SRGAP1: variants seen among roughly 807,000 people sequenced by gnomAD.
SRGAP1 encodes SLIT-ROBO Rho GTPase-activating protein 1.
SRGAP1 carries 43 observed loss-of-function variants against 121.9 expected under a neutral mutation model. That is an observed-to-expected ratio of 0.35 (90% CI 0.28 to 0.46). The LOEUF is 0.46. SRGAP1 is among the 20% of genes least tolerant of loss of function. The probability of loss-of-function intolerance (pLI) is 1.00; values close to 1 mark genes in which losing one functional copy is unlikely to be tolerated. For synonymous variants in SRGAP1, 447 were observed against 485.4 expected (o/e 0.92, Z 1.04); for missense variants, 1,102 against 1,350.9 (o/e 0.82, Z 2.89).
At chr12:63,874,562 A>G (rs1309385616) in intron 1 of SRGAP1, among the ~76,000 whole-genome samples, 5 of 152,204 alleles carry the variant, frequency 3.3e-5, no homozygotes, top group African/African-American at 1.2e-4. Flanking sequence ...AATCCCATGA[A>G]GAGAGAAAAA....
At chr12:63,986,107 C>G (rs1331970892) in intron 2 of SRGAP1, among the ~76,000 whole-genome samples, 1 of 151,924 alleles carries the variant, frequency 6.6e-6, no homozygotes, top group Admixed American at 6.6e-5. Context: ...TCTCTTTTCT[C>G]TCTTCTCTTT....
intron 1 of SRGAP1, among the ~76,000 whole-genome samples, chr12:63,877,698 G>A (rs767866001): frequency 1.3e-5 from 2 of 152,176 alleles, no homozygotes; most frequent in Non-Finnish European, 2.9e-5. Flanking sequence ...TTAGATGTGT[G>A]GTGGTGTCTA....
At chr12:63,880,420 C>A (rs1360023743) in intron 1 of SRGAP1, among the ~76,000 whole-genome samples, 1 of 152,054 alleles carries the variant, frequency 6.6e-6, no homozygotes, top group Non-Finnish European at 1.5e-5. Context: ...TTAGTAAAGA[C>A]AGGGTTTCAC....
intron 1 of SRGAP1, among the ~76,000 whole-genome samples, chr12:63,969,842 A>G (rs2032893856): frequency 6.6e-6 from 1 of 152,012 alleles, no homozygotes; most frequent in South Asian, 2.1e-4. Context: ...GAAGACAAGC[A>G]TGTACAGACC....
At chr12:63,976,900 T>C (rs2033109183) in intron 1 of SRGAP1, among the ~76,000 whole-genome samples, 1 of 152,176 alleles carries the variant, frequency 6.6e-6, no homozygotes, top group African/African-American at 2.4e-5. Flanking sequence ...GAATTCAATT[T>C]GGTAAATTGA....
intron 12 of SRGAP1, among the ~76,000 whole-genome samples, chr12:64,092,347 C>T (rs1191177401): frequency 6.6e-6 from 1 of 152,100 alleles, no homozygotes; most frequent in Non-Finnish European, 1.5e-5. Flanking sequence ...GAAACCATGT[C>T]ATTAATAACC....
chr12:63,933,236 A>AATG (rs1254639426), intron 1 of SRGAP1, among the ~76,000 whole-genome samples: 1 of 152,092 alleles, frequency 6.6e-6, no homozygotes, highest in East Asian at 1.9e-4. Flanking sequence ...GTATAATAAT[A>AATG]ATAATAATAA....
chr12:63,940,611 A>G (rs937707926), intron 1 of SRGAP1, among the ~76,000 whole-genome samples: 6 of 152,224 alleles, frequency 3.9e-5, no homozygotes, highest in South Asian at 4.1e-4. Context: ...TGTTTAAAAT[A>G]TAGGCCACAA....
chr12:63,998,820 T>A (rs2033791189), intron 3 of SRGAP1, among the ~76,000 whole-genome samples: 1 of 152,154 alleles, frequency 6.6e-6, no homozygotes, highest in Non-Finnish European at 1.5e-5. Context: ...CAGAGAAGAA[T>A]ACATAGTTCC....
chr12:64,019,045 A>G (rs1368949923), intron 4 of SRGAP1, among the ~76,000 whole-genome samples: 1 of 152,218 alleles, frequency 6.6e-6, no homozygotes, highest in East Asian at 1.9e-4. Flanking sequence ...ACCTTAAAAA[A>G]ATAAGTCTGC....
intron 10 of SRGAP1, among the ~76,000 whole-genome samples, chr12:64,085,608 TAAGGCACCACATACCACAGTCAGCTCACC>T (rs2035923467): frequency 6.6e-6 from 1 of 152,150 alleles, no homozygotes; most frequent in Non-Finnish European, 1.5e-5. Context: ...GGATATCCCA[TAAGGCACCACATACCACAGTCAGCTCACC>T]ATCTGCCCAC....
intron 1 of SRGAP1, among the ~76,000 whole-genome samples, chr12:63,969,361 T>C (rs1033805641): frequency 6.6e-6 from 1 of 152,196 alleles, no homozygotes. Flanking sequence ...GGAGGTCTTA[T>C]AACCGAATAA....
chr12:63,881,289 T>A (rs1900187415), intron 1 of SRGAP1, among the ~76,000 whole-genome samples: 2 of 152,228 alleles, frequency 1.3e-5, no homozygotes, highest in African/African-American at 4.8e-5. Context: ...TATTTTATGA[T>A]ATGTACACAG....
At chr12:64,033,447 T>C (rs888078154) in intron 4 of SRGAP1, among the ~76,000 whole-genome samples, 1 of 152,198 alleles carries the variant, frequency 6.6e-6, no homozygotes, top group African/African-American at 2.4e-5. Flanking sequence ...CCAGGTGTGG[T>C]GGCTCATGCC....
intron 1 of SRGAP1, among the ~76,000 whole-genome samples, chr12:63,971,620 G>A (rs2032949552): frequency 6.6e-6 from 1 of 152,108 alleles, no homozygotes; most frequent in Admixed American, 6.6e-5. Context: ...TGTCACATTG[G>A]ACATTTTCTT....
intron 1 of SRGAP1, among the ~76,000 whole-genome samples, chr12:63,856,775 G>A (rs1899265987): frequency 6.6e-6 from 1 of 152,056 alleles, no homozygotes; most frequent in South Asian, 2.1e-4. Context: ...TTCTGATCTT[G>A]CTCCTTTCTC....
chr12:63,983,392 G>C (rs1029030906), intron 1 of SRGAP1: 1 of 152,134 alleles, frequency 6.6e-6, no homozygotes, highest in Non-Finnish European at 1.5e-5. Context: ...ATGGCTCGTT[G>C]TGTGTTTGTG....
At chr12:64,126,761 A>G (rs1027776054) in intron 19 of SRGAP1, among the ~76,000 whole-genome samples, 1 of 152,222 alleles carries the variant, frequency 6.6e-6, no homozygotes, top group African/African-American at 2.4e-5. Context: ...AGAAATGTTA[A>G]AATGTGTATC....
intron 6 of SRGAP1, among the ~76,000 whole-genome samples, chr12:64,062,510 T>C (rs1351208901): frequency 6.6e-6 from 1 of 152,078 alleles, no homozygotes; most frequent in Non-Finnish European, 1.5e-5. Flanking sequence ...CTCTTGATAG[T>C]GTCTATTTTT....
Sources: gnomAD v4.1 joint callset for allele counts (sites outside exome capture counted in the v4.1 genomes callset) on GRCh38, gnomAD v4.1.1 for gene constraint, MANE v1.5 for transcripts, NCBI Gene and HGNC (gene_info 2026-07-23, HGNC 2026-07-21) for gene names.